Variants in LMBRD1 observed in about 807,000 individuals in gnomAD.
The protein encoded by LMBRD1 is LMBR1 domain containing 1.
LMBRD1 carries 64 observed loss-of-function variants against 74.8 expected under a neutral mutation model. That is an observed-to-expected ratio of 0.86 (90% confidence interval 0.70 to 1.05). The LOEUF is 1.05. Ranked by LOEUF, LMBRD1 falls within the 50% of genes least tolerant of loss-of-function variation. The pLI, the probability that LMBRD1 is intolerant of heterozygous loss-of-function variation, is 0.00. For synonymous variants in LMBRD1, 204 were observed against 216.3 expected (o/e 0.94, Z 0.50); for missense variants, 652 against 645.9 (o/e 1.01, Z -0.10).
At chr6:69,777,157 A>C (rs1463672881) in intron 3 of LMBRD1, among the ~76,000 whole-genome samples, 1 of 151,916 alleles carries the variant, frequency 6.6e-6, no homozygotes, top group Admixed American at 6.6e-5. Flanking sequence ...CAAAAAAATT[A>C]AAAAAGGGGT....
intron 2 of LMBRD1, among the ~76,000 whole-genome samples, chr6:69,788,383 A>G (rs1766004409): frequency 6.6e-6 from 1 of 152,132 alleles, no homozygotes; most frequent in Admixed American, 6.5e-5. Context: ...AATATCCTAG[A>G]AATTTATAAT....
intron 3 of LMBRD1, among the ~76,000 whole-genome samples, chr6:69,765,588 G>A (rs1765461004): frequency 6.6e-6 from 1 of 151,974 alleles, no homozygotes; most frequent in South Asian, 2.1e-4. Context: ...TTTGGCTACT[G>A]TAAATCCTGT....
intron 2 of LMBRD1, among the ~76,000 whole-genome samples, chr6:69,780,879 G>C (rs1237719644): frequency 6.6e-6 from 1 of 152,172 alleles, no homozygotes; most frequent in Non-Finnish European, 1.5e-5. Flanking sequence ...AGGAAGGAAA[G>C]AGGGAGTAAA....
chr6:69,705,605 T>C, intron 9 of LMBRD1: 1 of 997,148 alleles, frequency 1.0e-6, no homozygotes, highest in Admixed American at 1.7e-5. Flanking sequence ...TCACTGGTGA[T>C]TTTTCTTCAG....
chr6:69,683,130 G>C (rs3799097), intron 14 of LMBRD1, among the ~76,000 whole-genome samples: 16,883 of 151,786 alleles, frequency 0.11, 2,631 homozygotes, highest in African/African-American at 0.35. Context: ...TCAACATCAG[G>C]AGACTTTCTA....
rs1181508790 is a variant in LMBRD1, at chr6:69,697,623, T to G, written c.1357A>C (p.Asn453His). The G allele has an allele frequency of 1.3e-6, 2 of 1,587,376 alleles. No homozygotes were observed. Among genetic ancestry groups the G allele is most frequent in the East Asian group, 4.5e-5 (2 of 44,614 alleles). Residue 453 changes from asparagine (N) to histidine (H), a missense_variant, in exon 14 of 16, where the codon AAT (asparagine) becomes CAT (histidine). By Grantham distance (68) the Asn-to-His change is moderately conservative (BLOSUM62 1). This residue lies in a region of LMBRD1 where 598 missense variants were observed against 581.8 expected (regional missense o/e 1.03). Coordinates refer to ENST00000649934, the MANE Select transcript of LMBRD1 (RefSeq NM_018368.4). ...GAAAGGGTTGAATTGCCTTTATGAT[T>G]ATCAGAAGTTATATTAGTCTGAAAG... ...YLIETNITSD[N>H]HKGNSTLSVP...
intron 5 of LMBRD1, among the ~76,000 whole-genome samples, chr6:69,747,554 A>C (rs758644708): frequency 1.3e-5 from 2 of 152,186 alleles, no homozygotes; most frequent in Non-Finnish European, 2.9e-5. Flanking sequence ...CTCAAATATT[A>C]CTTCCTCTTA....
chr6:69,711,337 G>T (rs555352121), intron 9 of LMBRD1, among the ~76,000 whole-genome samples: 42 of 152,164 alleles, frequency 2.8e-4, no homozygotes, highest in African/African-American at 9.4e-4. Context: ...AGCAAGAGAG[G>T]GCATGAGGTA....
chr6:69,694,101 C>A (rs1765945416), intron 14 of LMBRD1, among the ~76,000 whole-genome samples: 1 of 151,964 alleles, frequency 6.6e-6, no homozygotes, highest in Non-Finnish European at 1.5e-5. Flanking sequence ...GAATCTGATT[C>A]ATAAAAAAGT....
At chr6:69,693,279 T>TA (rs1765927749) in intron 14 of LMBRD1, among the ~76,000 whole-genome samples, 1 of 152,228 alleles carries the variant, frequency 6.6e-6, no homozygotes, top group Admixed American at 6.5e-5. Context: ...TGGATTATTT[T>TA]AAACACAAAG....
chr6:69,710,197 C>A (rs1766353591), intron 9 of LMBRD1, among the ~76,000 whole-genome samples: 1 of 151,730 alleles, frequency 6.6e-6, no homozygotes, highest in South Asian at 2.1e-4. Context: ...GAAATAGACC[C>A]ACACTTACAC....
intron 3 of LMBRD1, among the ~76,000 whole-genome samples, chr6:69,775,511 C>T (rs1367118477): frequency 2.0e-5 from 3 of 152,108 alleles, no homozygotes; most frequent in Non-Finnish European, 4.4e-5. Context: ...ACTAATGGTG[C>T]AAAAACAACA....
At chr6:69,790,177 G>A in intron 2 of LMBRD1, 119 bp downstream of exon 2, 1 of 729,472 alleles carries the variant, frequency 1.4e-6, no homozygotes, top group Non-Finnish European at 2.4e-6. Flanking sequence ...CAGCTTCTAT[G>A]TTGTATTTCC....
At chr6:69,678,408 G>A (rs1765591883) in intron 14 of LMBRD1, among the ~76,000 whole-genome samples, 1 of 151,796 alleles carries the variant, frequency 6.6e-6, no homozygotes, top group Non-Finnish European at 1.5e-5. Context: ...ATAGGAGGCA[G>A]GAGAGGCAAC....
chr6:69,737,402 A>G (rs1485189029), intron 7 of LMBRD1, among the ~76,000 whole-genome samples: 2 of 151,978 alleles, frequency 1.3e-5, no homozygotes, highest in Non-Finnish European at 2.9e-5. Flanking sequence ...AGGGGAAAAA[A>G]GTCTGGGAGT....
intron 3 of LMBRD1, among the ~76,000 whole-genome samples, chr6:69,775,641 T>C (rs919249087): frequency 7.8e-4 from 118 of 152,208 alleles, no homozygotes; most frequent in Non-Finnish European, 4.7e-4. Flanking sequence ...AAGTCCCTTT[T>C]GAAGCAGTAA....
chr6:69,760,887 T>C (rs1033068154), intron 3 of LMBRD1, among the ~76,000 whole-genome samples: 1 of 152,122 alleles, frequency 6.6e-6, no homozygotes, highest in African/African-American at 2.4e-5. Flanking sequence ...ACCCGAGGCC[T>C]GTCTCAACCC....
intron 5 of LMBRD1, among the ~76,000 whole-genome samples, chr6:69,745,554 G>A (rs9454880): frequency 0.08 from 12,238 of 152,092 alleles, 656 homozygotes; most frequent in Admixed American, 0.15. Context: ...CACCGCGCCC[G>A]GCCAAAAATT....
intron 1 of LMBRD1, among the ~76,000 whole-genome samples, chr6:69,796,490 C>T (rs1766234379): frequency 6.6e-6 from 1 of 152,226 alleles, no homozygotes; most frequent in Non-Finnish European, 1.5e-5. Flanking sequence ...CCACCACATA[C>T]TTCTCAACCC....
Sources: gnomAD v4.1 joint callset for allele counts (sites outside exome capture counted in the v4.1 genomes callset) on GRCh38, gnomAD v4.1.1 for gene constraint, gnomAD v4.1.1 regional missense constraint, MANE v1.5 for transcripts, NCBI Gene and HGNC (gene_info 2026-07-23, HGNC 2026-07-21) for gene names.